MYH7: variants seen among roughly 807,000 people sequenced by gnomAD.
MYH7 encodes myosin-7.
MYH7 carries 129 observed loss-of-function variants against 225.4 expected under a neutral mutation model. The observed-to-expected ratio is 0.57, with a 90% CI of 0.50 to 0.66. MYH7 has a LOEUF of 0.66. Ranked by LOEUF, MYH7 falls within the 30% of genes least tolerant of loss-of-function variation. The probability of loss-of-function intolerance (pLI) is 0.00; values close to 1 mark genes in which losing one functional copy is unlikely to be tolerated. For synonymous variants in MYH7, 971 were observed against 1,007.6 expected (o/e 0.96, Z 0.69); for missense variants, 1,649 against 2,517.0 (o/e 0.66, Z 7.38).
intron 15 of MYH7, 82 bp downstream of exon 15, chr14:23,428,418 A>C (rs1262012558): frequency 1.3e-6 from 2 of 1,599,504 alleles, no homozygotes; most frequent in East Asian, 2.2e-5. Flanking sequence ...TATTCCCCAG[A>C]AGGGAGAGGG....
chr14:23,414,919 A>T, intron 37 of MYH7, 76 bp downstream of exon 37: 2 of 1,587,516 alleles, frequency 1.3e-6, no homozygotes, highest in Non-Finnish European at 1.7e-6. Context: ...CTAAGAGCAA[A>T]CTCTTCATTC....
chr14:23,418,589 A>G (rs1363221357), intron 29 of MYH7, among the ~76,000 whole-genome samples, 183 bp from the exon 30 acceptor site: 1 of 152,180 alleles, frequency 6.6e-6, no homozygotes, highest in Non-Finnish European at 1.5e-5. Flanking sequence ...GCAGTGAACT[A>G]TTTAAGAAAA....
At chr14:23,413,380 C>T (rs7145023) in intron 39 of MYH7, among the ~76,000 whole-genome samples, 28,096 of 151,996 alleles carry the variant, frequency 0.18, 3,233 homozygotes, top group African/African-American at 0.32. Flanking sequence ...AGTTCAAGAC[C>T]AGCCTGGCCA....
intron 25 of MYH7, chr14:23,421,709 A>T: frequency 1.0e-6 from 1 of 979,782 alleles, no homozygotes; most frequent in Non-Finnish European, 1.2e-6. Context: ...GGAAGAACTT[A>T]CACTAAGAAT....
rs397516244 is a variant in MYH7 at position 23,415,222 on chromosome 14, G to A, written c.5332C>T (p.His1778Tyr). ...ATGTTCTTCTTCATGCGCTCCAGGT[G>A]GGCGCTGGTGTCCTGCTCCTTCTTC... ...ELKKEQDTSA[H>Y]LERMKKNMEQ... The change falls in exon 37 of 40, where the codon CAC becomes TAC. Residue 1778 changes from histidine to tyrosine, a missense_variant. Around this residue, in one of 12 missense-constraint regions of MYH7, gnomAD observed 687 missense variants for 913.8 expected, o/e 0.75. Coordinates refer to ENST00000355349, the MANE Select transcript of MYH7 (RefSeq NM_000257.4). This position sits in a 1 kb window ranked among gnomAD's most constrained non-coding sequence, Gnocchi z 6.3. The A allele has an allele frequency of 6.2e-7, 1 of 1,614,242 alleles. No homozygotes were observed. Among genetic ancestry groups the A allele is most frequent in the Non-Finnish European group, 8.5e-7 (1 of 1,180,046 alleles).
At position 23,431,612 on chromosome 14, in the gene MYH7, G is replaced by A. The variant is rs552415639; in HGVS notation, c.705C>T (p.Thr235=). The A allele has an allele frequency of 1.6e-5, 26 of 1,614,128 alleles. No individual in the cohort carries two copies. In the South Asian group the frequency reaches 2.3e-4, roughly 14 times the overall value. Reference sequence around the variant, plus strand: ...AGCGGGAGGAGTTGTCGTTCCGGACGGTCTTGGCATTGCCAAAGGCCTCCA... The same window carrying A: ...AGCGGGAGGAGTTGTCGTTCCGGACAGTCTTGGCATTGCCAAAGGCCTCCA... The part of the protein sequence containing the change: ...PALEAFGNAK[T]VRNDNSSRFG... Residue 235 remains threonine (T), a synonymous_variant, in exon 8 of 40, where the codon ACC becomes ACT. Coordinates refer to ENST00000355349, the MANE Select transcript of MYH7 (RefSeq NM_000257.4).
chr14:23,418,471 C>G, intron 29 of MYH7, 65 bp from the exon 30 acceptor site: 1 of 1,507,952 alleles, frequency 6.6e-7, no homozygotes, highest in Non-Finnish European at 8.9e-7. Context: ...CACCCTTGCC[C>G]TTCTCCTCAC....
rs1892567506 is a variant in MYH7, at chr14:23,423,533, C to A, written c.3099+14G>T. 13 of 1,613,438 alleles carry A rather than the reference C, an allele frequency of 8.1e-6. No individual in the cohort carries two copies. The East Asian group carries it at 2.9e-4, about 36-fold the overall frequency. ...CATGGCATATCTAGGCCCCACAACT[C>A]TCAATCTACTCACATCATCCACTTG... On this transcript the variant is annotated intron_variant, in intron 24 of 39. Coordinates refer to ENST00000355349, the MANE Select transcript of MYH7 (RefSeq NM_000257.4).
Position 23,413,882 on chromosome 14 carries a change from G to A in MYH7, c.5667C>T (p.Ala1889=), listed in dbSNP as rs1595070502. 11 of 1,614,142 alleles carry A rather than the reference G, an allele frequency of 6.8e-6. No individual in the cohort carries two copies. The highest frequency in any genetic ancestry group is 1.3e-5 in the African/African-American group (1 of 74,946). ...KRQAEEAEEQ[A]NTNLSKFRKV... is the part of the protein sequence containing the mutation. ...TGCGGAACTTGGACAGGTTGGTGTT[G>A]GCTTGCTCCTCCTGCGGGAGGTGGG... Residue 1889 remains alanine (A), a synonymous_variant, in exon 39 of 40, where the codon GCC becomes GCT. Transcript: ENST00000355349.
In MYH7 at chr14:23,419,114, T is replaced by TG. The variant is rs34598192; in HGVS notation, c.3972+62_3972+63insC. 0.34 allele frequency: 480,757 copies of TG among 1,394,990 alleles called. 90,703 individuals are homozygous for TG. Among genetic ancestry groups the TG allele is most frequent in the African/African-American group, 0.63 (44,392 of 70,212 alleles). 86.4% of individuals were successfully genotyped at this position (1,394,990 alleles called of 1,614,324 possible). On this transcript the variant is annotated intron_variant, in intron 29 of 39. Transcript: ENST00000355349. ...GCCTTATTGCTGGGAAGGGAAGTGA[T>TG]TTGATGCAAGGCTAGTCAGTGTGCT...
intron 9 of MYH7, 24 bp from the exon 10 acceptor site, chr14:23,431,023 GGA>G: frequency 6.4e-7 from 1 of 1,553,326 alleles, no homozygotes; most frequent in Non-Finnish European, 8.9e-7. Context: ...GGGAGAAGAA[GGA>G]GAGAAAGAAA....
chr14:23,430,901 C>T lies in MYH7; in HGVS notation c.895G>A (p.Asp299Asn), dbSNP rs1060501444. 6.2e-7 allele frequency: 1 copy of T among 1,610,904 alleles called. No individual in the cohort carries two copies. Among genetic ancestry groups the T allele is most frequent in the East Asian group, 2.2e-5 (1 of 44,856 alleles). The stretch of plus-strand genomic sequence containing the variant: ...GTCTCAGTCGGTGGCTCTGACTCAC[C>T]CAGCAGCTCAGGCTTTTTGTTAGAC... ...ILSNKKPELL[D>N]MLLITNNPYD... The change falls in exon 10 of 40, where the codon GAC (aspartate) becomes AAC (asparagine). Residue 299 changes from aspartate (D) to asparagine (N), a missense_variant and splice_region_variant. Coordinates refer to ENST00000355349, the MANE Select transcript of MYH7 (RefSeq NM_000257.4).
At chr14:23,418,526 C>T in intron 29 of MYH7, 120 bp from the exon 30 acceptor site, 3 of 1,175,100 alleles carry the variant, frequency 2.6e-6, no homozygotes, top group East Asian at 2.6e-5. Flanking sequence ...GTCCAAACCC[C>T]CAGTGGACCT....
intron 10 of MYH7, 76 bp from the exon 11 acceptor site, chr14:23,430,739 C>T (rs1364370174): frequency 4.3e-6 from 6 of 1,382,638 alleles, no homozygotes; most frequent in Non-Finnish European, 5.2e-6. Context: ...AGCACATGGC[C>T]TGAGGAAGAG....
intron 37 of MYH7, 84 bp from the exon 38 acceptor site, chr14:23,414,186 A>G: frequency 5.8e-6 from 7 of 1,198,404 alleles, no homozygotes; most frequent in South Asian, 1.2e-5. Context: ...GCTTCATCTG[A>G]TATCCTGACC....
chr14:23,416,631 T>C (rs1452324610), intron 33 of MYH7, among the ~76,000 whole-genome samples: 1 of 151,966 alleles, frequency 6.6e-6, no homozygotes, highest in Admixed American at 6.6e-5. Context: ...CCGGGAGGTA[T>C]GTGGAAATGG....
intron 23 of MYH7, 72 bp downstream of exon 23, chr14:23,423,835 C>G (rs573137176): frequency 7.4e-6 from 12 of 1,613,536 alleles, no homozygotes; most frequent in African/African-American, 4.0e-5. Flanking sequence ...GAGTGGCTAG[C>G]CTGGGTCAAG....
intron 24 of MYH7, among the ~76,000 whole-genome samples, chr14:23,423,279 A>G (rs181521583): frequency 2.2e-4 from 34 of 152,314 alleles, no homozygotes; most frequent in African/African-American, 7.9e-4. Context: ...TAAATTAAAT[A>G]AGAAAACTCA....
intron 37 of MYH7, 147 bp downstream of exon 37, chr14:23,414,848 G>C (rs1595071352): frequency 7.3e-7 from 1 of 1,378,566 alleles, no homozygotes; most frequent in East Asian, 2.3e-5. Context: ...GACATTCAGA[G>C]TGGGGCAGGG....
Sources: allele counts gnomAD v4.1 joint callset (sites outside exome capture counted in the v4.1 genomes callset), GRCh38; gene constraint gnomAD v4.1.1; regional missense constraint gnomAD v4.1.1; non-coding constraint Gnocchi (gnomAD v3.1); transcripts MANE v1.5; gene names NCBI Gene and HGNC (gene_info 2026-07-23, HGNC 2026-07-21).